Variants in ABCC6 observed in about 807,000 individuals in gnomAD.
The protein encoded by ABCC6 is ATP-binding cassette sub-family C member 6.
Under a neutral mutation model 169.5 loss-of-function variants are expected in ABCC6, and 126 were observed. The observed-to-expected ratio is 0.74, with a 90% confidence interval of 0.64 to 0.86. The LOEUF (loss-of-function observed/expected upper bound fraction) is 0.86, where lower values mean the gene tolerates loss of function less well. Among genes scored for constraint, ABCC6 ranks in the 40% least tolerant of loss-of-function variants. The probability of loss-of-function intolerance (pLI) is 0.00; values close to 1 mark genes in which losing one functional copy is unlikely to be tolerated. For synonymous variants in ABCC6, 752 were observed against 814.7 expected (o/e 0.92, Z 1.31); for missense variants, 1,733 against 1,927.2 (o/e 0.90, Z 1.89).
chr16:16,161,286 G>T, intron 25 of ABCC6, 152 bp downstream of exon 25: 1 of 1,190,148 alleles, frequency 8.4e-7, no homozygotes, highest in Non-Finnish European at 1.2e-6. Flanking sequence ...GCTGAGTCTG[G>T]CTCTTGTAGA....
In ABCC6 at chr16:16,177,565, A is replaced by G. The variant is rs72653798; in HGVS notation, c.2477T>C (p.Leu826Pro). 15 of 1,614,114 alleles carry G rather than the reference A, an allele frequency of 9.3e-6. No individual in the cohort carries two copies. The East Asian group carries it at 3.3e-4, about 36-fold the overall frequency. ...ILPQADWIIV[L>P]ANGAIAEMGS... is the part of the protein sequence containing the mutation. ...CATCTCTGCGATGGCCCCATTTGCC[A>G]GCACTATGATCCAATCAGCCTGGGG... Residue 826 changes from leucine to proline, a missense_variant, in exon 19 of 31, where the codon CTG (leucine) becomes CCG (proline). Coordinates refer to ENST00000205557, the MANE Select transcript of ABCC6 (RefSeq NM_001171.6).
chr16:16,187,306 G>C, intron 13 of ABCC6, 95 bp from the exon 14 acceptor site: 1 of 985,368 alleles, frequency 1.0e-6, no homozygotes, highest in South Asian at 1.4e-5. Flanking sequence ...ACAGCTTCCT[G>C]TCTACCAAGC....
chr16:16,200,513 T>G (rs2048203338), intron 9 of ABCC6, among the ~76,000 whole-genome samples: 4 of 139,232 alleles, frequency 2.9e-5, no homozygotes, highest in Non-Finnish European at 6.3e-5. Flanking sequence ...TCCTGGCGTG[T>G]GGGTGGGGAA....
At chr16:16,215,577 G>A (rs1210863162) in intron 4 of ABCC6, among the ~76,000 whole-genome samples, 1 of 151,060 alleles carries the variant, frequency 6.6e-6, no homozygotes, top group Non-Finnish European at 1.5e-5. Flanking sequence ...GGGTTCAAGC[G>A]ATTCTCCTGC....
At chr16:16,171,919 G>A (rs1294677102) in intron 21 of ABCC6, among the ~76,000 whole-genome samples, 2 of 20,542 alleles carry the variant, frequency 9.7e-5, no homozygotes, top group Admixed American at 3.1e-4. Flanking sequence ...GGGTGGGTGG[G>A]TGGGTGGATA....
At chr16:16,206,882 A>G (rs1178506977) in intron 7 of ABCC6, among the ~76,000 whole-genome samples, 2 of 152,100 alleles carry the variant, frequency 1.3e-5, no homozygotes, top group African/African-American at 4.8e-5. Context: ...CACATCTGTA[A>G]TCCCAGCACC....
chr16:16,204,647 G>C (rs1197180018), intron 7 of ABCC6, among the ~76,000 whole-genome samples: 3 of 152,090 alleles, frequency 2.0e-5, no homozygotes, highest in African/African-American at 7.2e-5. Context: ...TGTGAGGCAG[G>C]TCAGAAGCCC....
intron 7 of ABCC6, among the ~76,000 whole-genome samples, chr16:16,204,319 G>T (rs932307245): frequency 1.5e-4 from 23 of 152,302 alleles, no homozygotes; most frequent in Non-Finnish European, 2.6e-4. Flanking sequence ...GCCTCCCAAA[G>T]TGCTGGGATT....
rs1283508041 is a variant in ABCC6, at chr16:16,196,215, A to AAAAT, written c.1338+1805_1338+1806insATTT. ...ACACAGTGAGACTCTGTCTCAAAAAAAAAAAAAAAATCAAAAGGATACTAT... is the reference window on the plus strand; with the variant it reads ...ACACAGTGAGACTCTGTCTCAAAAAAAAATAAAAAAAAAATCAAAAGGATACTAT... On this transcript the variant is annotated intron_variant, in intron 10 of 30. Transcript: ENST00000205557. Among the ~76,000 whole-genome samples, 6 of 151,806 alleles carry AAAAT rather than the reference A, an allele frequency of 4.0e-5. No homozygotes were observed. In the East Asian group the frequency reaches 1.2e-3, roughly 29 times the overall value.
At chr16:16,179,368 A>G (rs1449139137) in intron 17 of ABCC6, among the ~76,000 whole-genome samples, 2 of 151,922 alleles carry the variant, frequency 1.3e-5, no homozygotes, top group Non-Finnish European at 2.9e-5. Context: ...GTTTTCTTTT[A>G]GTTTTCATTG....
In ABCC6 at chr16:16,189,993, T is replaced by C. The variant is rs540794441; in HGVS notation, c.1635+171A>G. 3.9e-5 allele frequency among the ~76,000 whole-genome samples: 6 copies of C among 152,140 alleles called. No homozygotes were observed. The East Asian group carries it at 1.2e-3, about 29-fold the overall frequency. On this transcript the variant is annotated intron_variant, in intron 12 of 30. Coordinates refer to ENST00000205557, the MANE Select transcript of ABCC6 (RefSeq NM_001171.6). ...TGCCACCTTTGCTAGAATAATATGA[T>C]TAATTAGTTCTTGTAGAAGACAGCA...
chr16:16,150,280 C>T (rs2046350275), intron 30 of ABCC6, 39 bp from the exon 31 acceptor site: 1 of 1,612,804 alleles, frequency 6.2e-7, no homozygotes, highest in Non-Finnish European at 8.5e-7. Flanking sequence ...CTTTGGACAC[C>T]AGCCCAGGCT....
intron 11 of ABCC6, among the ~76,000 whole-genome samples, chr16:16,191,762 T>C (rs2047865541): frequency 6.7e-6 from 1 of 150,076 alleles, no homozygotes; most frequent in Non-Finnish European, 1.5e-5. Context: ...CTATCTTTCC[T>C]TCCCTCCCTC....
intron 19 of ABCC6, 68 bp from the exon 20 acceptor site, chr16:16,176,054 G>A: frequency 6.6e-7 from 1 of 1,511,992 alleles, no homozygotes; most frequent in Non-Finnish European, 9.2e-7. Flanking sequence ...CACTGACTAT[G>A]TGGCCTTAAC....
chr16:16,185,050 G>C lies in ABCC6; in HGVS notation c.1868-16C>G, dbSNP rs781220256. 24 of 1,611,058 alleles carry C rather than the reference G, an allele frequency of 1.5e-5. 1 individual carries two copies. Among genetic ancestry groups the C allele is most frequent in the Middle Eastern group, 3.3e-4 (2 of 6,064 alleles). ...TTCCCGGCAGCTGCAGGGCACAAGA[G>C]GCCATTTACAGGAGACCCCTGACCT... On this transcript the variant is annotated splice_polypyrimidine_tract_variant and intron_variant, in intron 14 of 30. Coordinates refer to ENST00000205557, the MANE Select transcript of ABCC6 (RefSeq NM_001171.6).
chr16:16,160,077 C>T (rs1186958896), intron 25 of ABCC6, among the ~76,000 whole-genome samples: 1 of 152,172 alleles, frequency 6.6e-6, no homozygotes, highest in Non-Finnish European at 1.5e-5. Flanking sequence ...CCCACCCTCT[C>T]CAGCCACACC....
intron 4 of ABCC6, among the ~76,000 whole-genome samples, chr16:16,217,185 T>G (rs2048907491): frequency 6.6e-6 from 1 of 151,452 alleles, no homozygotes; most frequent in Non-Finnish European, 1.5e-5. Context: ...GTTTTGGGTT[T>G]TTGTTTGTTT....
At chr16:16,200,966 T>G (rs1158395739) in intron 9 of ABCC6, among the ~76,000 whole-genome samples, 2 of 152,000 alleles carry the variant, frequency 1.3e-5, no homozygotes, top group African/African-American at 4.8e-5. Context: ...GTTTTTTTGT[T>G]TTGTTTTTTT....
intron 21 of ABCC6, among the ~76,000 whole-genome samples, chr16:16,170,391 C>T (rs1402493142): frequency 1.3e-5 from 2 of 152,084 alleles, no homozygotes; most frequent in African/African-American, 2.4e-5. Context: ...TGAGCCACCA[C>T]ACCCAGCTAG....
Sources: gnomAD v4.1 joint callset for allele counts (sites outside exome capture counted in the v4.1 genomes callset) on GRCh38, gnomAD v4.1.1 for gene constraint, MANE v1.5 for transcripts, NCBI Gene and HGNC (gene_info 2026-07-23, HGNC 2026-07-21) for gene names.